Variants in DNASE1 observed in about 807,000 individuals in gnomAD.
DNASE1 encodes deoxyribonuclease 1.
Under a neutral mutation model 33.9 loss-of-function variants are expected in DNASE1, and 40 were observed. The ratio of observed to expected loss-of-function variants is 1.18; its 90% CI spans 0.92 to 1.54. The LOEUF (loss-of-function observed/expected upper bound fraction) is 1.54, where lower values mean the gene tolerates loss of function less well. Ranked by LOEUF, DNASE1 falls within the 40% of genes most tolerant of loss-of-function variation. DNASE1 has a pLI of 0.00. For missense variants in DNASE1, 518 were observed against 372.6 expected (o/e 1.39, Z -3.21); for synonymous variants, 216 against 160.0 (o/e 1.35, Z -2.64).
chr16:3,621,310 C>T (rs1241376027), intron 1 of DNASE1, among the ~76,000 whole-genome samples: 1 of 152,166 alleles, frequency 6.6e-6, no homozygotes, highest in Non-Finnish European at 1.5e-5. Context: ...TGATCTTAAA[C>T]TCTTAGCCTC....
intron 2 of DNASE1, 113 bp downstream of exon 2, chr16:3,655,633 A>G: frequency 1.3e-6 from 2 of 1,525,446 alleles, no homozygotes; most frequent in Non-Finnish European, 1.8e-6. Context: ...ACTGAGCACC[A>G]CTGCTCCCAG....
At position 3,657,079 on chromosome 16, in the gene DNASE1, T is replaced by A. The variant is rs1331104306; in HGVS notation, c.517T>A (p.Tyr173Asn). Residue 173 changes from tyrosine to asparagine, a missense_variant, in exon 6 of 9, where the codon TAC becomes AAC. Transcript: ENST00000246949. ...CGAGATCGACGCTCTCTATGACGTC[T>A]ACCTGGATGTCCAAGAGAAATGGGG... ...VAEIDALYDVYLDVQEKWGLE... is the reference protein window; with the variant it reads ...VAEIDALYDVNLDVQEKWGLE... The A allele has an allele frequency of 9.3e-6, 15 of 1,613,970 alleles. No individual in the cohort carries two copies. Among genetic ancestry groups the A allele is most frequent in the Non-Finnish European group, 1.1e-5 (13 of 1,180,026 alleles).
exon 10 of DNASE1, chr16:3,663,397 C>T (rs775413710): frequency 1.4e-5 from 22 of 1,613,360 alleles, no homozygotes; most frequent in Admixed American, 3.3e-5. Context: ...AAACCAGCCC[C>T]ACGCCTAGAG....
chr16:3,614,016 C>T (rs1387363471), intron 1 of DNASE1, among the ~76,000 whole-genome samples: 1 of 150,654 alleles, frequency 6.6e-6, no homozygotes. Flanking sequence ...GGGTTCACGC[C>T]ATTCTCCTGC....
upstream of DNASE1, among the ~76,000 whole-genome samples, chr16:3,642,307 C>G (rs550411409): frequency 2.0e-5 from 3 of 152,360 alleles, no homozygotes; most frequent in South Asian, 4.1e-4. Flanking sequence ...AGGAGCCATC[C>G]TTGGGCACTC....
Sources: gnomAD v4.1 joint callset for allele counts (sites outside exome capture counted in the v4.1 genomes callset) on GRCh38, gnomAD v4.1.1 for gene constraint, MANE v1.5 for transcripts, NCBI Gene and HGNC (gene_info 2026-07-23, HGNC 2026-07-21) for gene names.